PLCXD3: variants seen among roughly 807,000 people sequenced by gnomAD.
The protein encoded by PLCXD3 is phosphatidylinositol specific phospholipase C X domain containing 3, also known as PI-PLC X domain-containing protein 3.
PLCXD3 carries 19 observed loss-of-function variants against 25.5 expected under a neutral mutation model. The observed-to-expected ratio is 0.75, with a 90% CI of 0.52 to 1.09. The LOEUF (loss-of-function observed/expected upper bound fraction) is 1.09. Among genes scored for constraint, PLCXD3 ranks in the 50% least tolerant of loss-of-function variants. PLCXD3 has a pLI of 0.00. For missense variants in PLCXD3, 411 were observed against 388.1 expected, an observed-to-expected ratio of 1.06 and a Z score of -0.50; for synonymous variants, 174 against 137.6, an observed-to-expected ratio of 1.26 and a Z score of -1.85.
At chr5:41,320,424 A>G (rs929815914) in intron 2 of PLCXD3, among the ~76,000 whole-genome samples, 1 of 152,262 alleles carries the variant, frequency 6.6e-6, no homozygotes, top group Admixed American at 6.5e-5. Context: ...ACCATTCATC[A>G]TGACCAATTG....
Position 41,313,591 on chromosome 5 carries a change from A to G in PLCXD3, c.*26T>C. The G allele has an allele frequency of 6.2e-7, 1 of 1,613,006 alleles. No individual in the cohort carries two copies. The highest frequency in any genetic ancestry group is 2.2e-5 in the East Asian group (1 of 44,862). On this transcript the variant is annotated 3_prime_UTR_variant, in exon 3 of 3. Coordinates refer to ENST00000377801, the MANE Select transcript of PLCXD3 (RefSeq NM_001005473.3). ...TAATACAATGAGCTTTCTCCATCTT[A>G]TTCATGGAAACTCCAAGTAGTGCTA...
chr5:41,479,857 C>T (rs1293265614), intron 1 of PLCXD3, among the ~76,000 whole-genome samples: 4 of 152,098 alleles, frequency 2.6e-5, no homozygotes, highest in Non-Finnish European at 4.4e-5. Flanking sequence ...AGGTTCATTA[C>T]ATATAAGTAT....
At chr5:41,363,036 A>C (rs1317539284) in intron 2 of PLCXD3, among the ~76,000 whole-genome samples, 2 of 152,242 alleles carry the variant, frequency 1.3e-5, no homozygotes, top group African/African-American at 4.8e-5. Context: ...TTGTTACCAC[A>C]GAATCAGCAT....
intron 2 of PLCXD3, among the ~76,000 whole-genome samples, chr5:41,324,934 C>T (rs145861141): frequency 6.6e-5 from 10 of 152,254 alleles, no homozygotes; most frequent in African/African-American, 2.4e-4. Context: ...CACCAGATCC[C>T]TTGGGTACTA....
In PLCXD3 at chr5:41,479,063, A is replaced by G. The variant is rs563499566; in HGVS notation, c.103+31361T>C. ...TGAGATAAGATTTGGGTGAGGACAC[A>G]GAGCCAAATCATATCACCAAATGTT... On this transcript the variant is annotated intron_variant, in intron 1 of 2. Transcript: ENST00000377801. 4.5e-3 allele frequency among the ~76,000 whole-genome samples: 686 copies of G among 152,328 alleles called. 8 individuals carry two copies. The highest frequency in any genetic ancestry group is 0.016 in the African/African-American group (655 of 41,570).
chr5:41,492,914 CCTT>C (rs1258706791), intron 1 of PLCXD3, among the ~76,000 whole-genome samples: 1 of 152,222 alleles, frequency 6.6e-6, no homozygotes, highest in Non-Finnish European at 1.5e-5. Flanking sequence ...TCATCTGAAG[CCTT>C]CTTCTCTCAA....
At chr5:41,500,475 T>G (rs1748928718) in intron 1 of PLCXD3, among the ~76,000 whole-genome samples, 1 of 151,824 alleles carries the variant, frequency 6.6e-6, no homozygotes, top group African/African-American at 2.4e-5. Flanking sequence ...GGGTACAATG[T>G]ATATTATTTG....
intron 1 of PLCXD3, among the ~76,000 whole-genome samples, chr5:41,388,365 C>T (rs902413009): frequency 2.0e-5 from 3 of 151,904 alleles, no homozygotes; most frequent in African/African-American, 7.2e-5. Flanking sequence ...ATATATTTAT[C>T]TTAAAATAAT....
intron 2 of PLCXD3, among the ~76,000 whole-genome samples, chr5:41,348,396 G>A (rs2150480091): frequency 6.6e-6 from 1 of 152,246 alleles, no homozygotes; most frequent in East Asian, 1.9e-4. Context: ...TGTATCTAAT[G>A]TCAGATGTCA....
intron 2 of PLCXD3, among the ~76,000 whole-genome samples, chr5:41,369,852 T>A (rs1740997908): frequency 6.6e-6 from 1 of 152,206 alleles, no homozygotes. Flanking sequence ...CTAAATTATA[T>A]AGGCAACAAC....
chr5:41,468,016 T>A (rs79760203), intron 1 of PLCXD3, among the ~76,000 whole-genome samples: 3 of 135,024 alleles, frequency 2.2e-5, no homozygotes, highest in Admixed American at 7.5e-5. Context: ...ATTCTTTTTT[T>A]TTTTTTTTTT....
chr5:41,378,292 A>T (rs540739656), intron 2 of PLCXD3, among the ~76,000 whole-genome samples: 28 of 152,234 alleles, frequency 1.8e-4, no homozygotes, highest in African/African-American at 6.7e-4. Flanking sequence ...TTAATATAAC[A>T]TTCAGAATAC....
intron 1 of PLCXD3, among the ~76,000 whole-genome samples, chr5:41,466,089 C>A (rs1393139429): frequency 1.3e-5 from 2 of 152,070 alleles, no homozygotes; most frequent in Admixed American, 1.3e-4. Context: ...TTCTTTTATG[C>A]TCTCTTTTCC....
intron 1 of PLCXD3, among the ~76,000 whole-genome samples, chr5:41,484,857 C>G (rs916297537): frequency 6.6e-6 from 1 of 152,134 alleles, no homozygotes; most frequent in African/African-American, 2.4e-5. Flanking sequence ...TTTGTTCCTG[C>G]TGTATTCAAT....
At chr5:41,446,012 C>A (rs1048792737) in intron 1 of PLCXD3, among the ~76,000 whole-genome samples, 8 of 150,812 alleles carry the variant, frequency 5.3e-5, no homozygotes. Flanking sequence ...ATGGTGAAAC[C>A]CCGTGTCTAC....
chr5:41,396,372 C>T (rs1251129481), intron 1 of PLCXD3, among the ~76,000 whole-genome samples: 2 of 152,166 alleles, frequency 1.3e-5, no homozygotes, highest in East Asian at 1.9e-4. Flanking sequence ...ATGCTTGATT[C>T]CCCTTCACCC....
chr5:41,395,215 T>A (rs1266719634), intron 1 of PLCXD3, among the ~76,000 whole-genome samples: 4 of 152,130 alleles, frequency 2.6e-5, no homozygotes, highest in African/African-American at 9.7e-5. Context: ...AGAATATGCT[T>A]CTGAATGATA....
chr5:41,489,808 T>G (rs1241641442), intron 1 of PLCXD3, among the ~76,000 whole-genome samples: 1 of 151,468 alleles, frequency 6.6e-6, no homozygotes, highest in African/African-American at 2.4e-5. Context: ...TTGCTGAAGT[T>G]GCTTATCAGC....
chr5:41,331,998 A>C (rs548867473), intron 2 of PLCXD3, among the ~76,000 whole-genome samples: 1 of 152,356 alleles, frequency 6.6e-6, no homozygotes, highest in Admixed American at 6.5e-5. Flanking sequence ...CCCTAGAAGA[A>C]AACCTAGACA....
Sources: allele counts gnomAD v4.1 joint callset (sites outside exome capture counted in the v4.1 genomes callset), GRCh38; gene constraint gnomAD v4.1.1; transcripts MANE v1.5; gene names NCBI Gene and HGNC (gene_info 2026-07-23, HGNC 2026-07-21).